The following EFCAB5 variants were observed in gnomAD, a reference collection of about 807,000 sequenced individuals.
The protein encoded by EFCAB5 is EF-hand calcium binding domain 5, also known as EF-hand calcium-binding domain-containing protein 5.
A neutral mutation model predicts 167.9 loss-of-function variants in EFCAB5; 131 were observed. That is an observed-to-expected ratio of 0.78 (90% CI 0.68 to 0.90). EFCAB5 has a LOEUF of 0.90. Ranked by LOEUF, EFCAB5 falls within the 40% of genes least tolerant of loss-of-function variation. EFCAB5 has a pLI of 0.00. For missense variants in EFCAB5, 1,663 were observed against 1,745.2 expected, an observed-to-expected ratio of 0.95 and a Z score of 0.84; for synonymous variants, 574 against 602.8, an observed-to-expected ratio of 0.95 and a Z score of 0.70.
chr17:29,958,754 A>G (rs1453558807), intron 3 of EFCAB5, among the ~76,000 whole-genome samples: 1 of 152,020 alleles, frequency 6.6e-6, no homozygotes, highest in East Asian at 1.9e-4. Context: ...GCTTGTTTGT[A>G]CCCATCCTTC....
chr17:30,079,432 C>G (rs1346576514), intron 15 of EFCAB5, among the ~76,000 whole-genome samples: 5 of 152,152 alleles, frequency 3.3e-5, no homozygotes, highest in Non-Finnish European at 7.3e-5. Context: ...AAGTGTCTCA[C>G]ATGTCCCCAA....
chr17:30,093,014 C>G, intron 22 of EFCAB5, 78 bp downstream of exon 22: 1 of 1,094,828 alleles, frequency 9.1e-7, no homozygotes, highest in Non-Finnish European at 1.3e-6. Flanking sequence ...TAGGATAAAG[C>G]AAGTGGGTCA....
At chr17:30,057,401 G>A (rs2070301193) in intron 12 of EFCAB5, among the ~76,000 whole-genome samples, 1 of 152,144 alleles carries the variant, frequency 6.6e-6, no homozygotes. Context: ...GCCTATAGTA[G>A]GTTACATTGC....
chr17:30,023,834 T>A (rs2069244952), intron 7 of EFCAB5, among the ~76,000 whole-genome samples: 1 of 152,152 alleles, frequency 6.6e-6, no homozygotes, highest in African/African-American at 2.4e-5. Flanking sequence ...TTATCCACCA[T>A]GATCAAGTGA....
intron 3 of EFCAB5, among the ~76,000 whole-genome samples, chr17:29,947,602 C>T (rs1009044433): frequency 2.6e-5 from 4 of 152,096 alleles, no homozygotes; most frequent in Admixed American, 2.6e-4. Flanking sequence ...CTTTCCAACA[C>T]TTATTCTGTC....
chr17:30,035,959 T>C (rs2069602934), intron 8 of EFCAB5, among the ~76,000 whole-genome samples: 1 of 150,740 alleles, frequency 6.6e-6, no homozygotes. Flanking sequence ...AATATATATC[T>C]GGGAACAAAG....
chr17:29,945,871 A>C (rs1369504669), intron 3 of EFCAB5, among the ~76,000 whole-genome samples: 1 of 152,204 alleles, frequency 6.6e-6, no homozygotes, highest in Non-Finnish European at 1.5e-5. Context: ...CTAAGACCTG[A>C]AACCTTAAAA....
chr17:30,029,468 A>C (rs2069420038), intron 7 of EFCAB5, among the ~76,000 whole-genome samples: 1 of 152,206 alleles, frequency 6.6e-6, no homozygotes, highest in South Asian at 2.1e-4. Flanking sequence ...CAAAGTACTG[A>C]ATGCATATCA....
rs752593454 is a variant in EFCAB5, at chr17:30,107,785, A to G, written c.4322-49A>G. 2.2e-6 allele frequency: 3 copies of G among 1,388,544 alleles called. No homozygotes were observed. In the African/African-American group the frequency reaches 4.8e-5, roughly 22 times the overall value. 86.0% of individuals were successfully genotyped at this position (1,388,544 alleles called of 1,614,324 possible). A position where few individuals can be genotyped will look rare whatever the true frequency, so the allele number is the denominator to read the frequency against. On this transcript the variant is annotated intron_variant, in intron 22 of 22. Transcript: ENST00000394835. ...TATTAGAACTTATAATTTTAATAGT[A>G]AAGTGCAAAACTCTCCACTCTTACT...
At chr17:29,943,041 AATATAT>A (rs34181760) in intron 2 of EFCAB5, among the ~76,000 whole-genome samples, 32 of 147,476 alleles carry the variant, frequency 2.2e-4, no homozygotes, top group Admixed American at 4.0e-4. Flanking sequence ...GCATCTCCAA[AATATAT>A]ATATATATAT....
intron 13 of EFCAB5, among the ~76,000 whole-genome samples, chr17:30,058,620 A>G (rs2070340521): frequency 6.6e-6 from 1 of 152,226 alleles, no homozygotes; most frequent in South Asian, 2.1e-4. Flanking sequence ...AATGTCAAAT[A>G]TAGTCAATCT....
chr17:29,999,992 T>C lies in EFCAB5; in HGVS notation c.1044+16T>C, dbSNP rs1455026420. 6.6e-7 allele frequency: 1 copy of C among 1,522,790 alleles called. No homozygotes were observed. The highest frequency in any genetic ancestry group is 8.9e-7 in the Non-Finnish European group (1 of 1,122,504). The allele number at this position is 1,522,790 out of a possible 1,614,324, so 94.3% of individuals were successfully genotyped here. A position where few individuals can be genotyped will look rare whatever the true frequency, so the allele number is the denominator to read the frequency against. On this transcript the variant is annotated intron_variant, in intron 7 of 22. Transcript: ENST00000394835. ...ATTTACAGAAGTAAGAGTTACATTA[T>C]TTAATGTTTGAATTGAATTATTTTG...
At chr17:30,048,261 T>A (rs1251065479) in intron 8 of EFCAB5, among the ~76,000 whole-genome samples, 1 of 152,098 alleles carries the variant, frequency 6.6e-6, no homozygotes, top group Non-Finnish European at 1.5e-5. Flanking sequence ...TTCTCCATTT[T>A]GGGAACTGAG....
intron 14 of EFCAB5, among the ~76,000 whole-genome samples, chr17:30,077,550 T>A (rs1054491487): frequency 3.9e-5 from 6 of 152,070 alleles, no homozygotes; most frequent in Non-Finnish European, 8.8e-5. Flanking sequence ...TTACTGGTAA[T>A]GTTCAGGTTT....
chr17:30,082,534 G>A (rs1186711556), intron 17 of EFCAB5, among the ~76,000 whole-genome samples: 2 of 151,742 alleles, frequency 1.3e-5, no homozygotes. Flanking sequence ...GGGATTACAG[G>A]TGTGCACCAC....
At chr17:30,068,766 G>A (rs2070648975) in intron 14 of EFCAB5, 4 of 1,389,698 alleles carry the variant, frequency 2.9e-6, no homozygotes, top group Non-Finnish European at 3.1e-6. Flanking sequence ...CCTGGCCCAA[G>A]GGCAACTTCT....
At chr17:30,098,916 G>A (rs1212666720) in intron 22 of EFCAB5, among the ~76,000 whole-genome samples, 1 of 152,132 alleles carries the variant, frequency 6.6e-6, no homozygotes, top group East Asian at 1.9e-4. Flanking sequence ...ATAGGTAGCC[G>A]TTTGTATCTG....
chr17:30,047,108 C>A (rs912606068), intron 8 of EFCAB5, among the ~76,000 whole-genome samples: 1 of 152,230 alleles, frequency 6.6e-6, no homozygotes, highest in East Asian at 1.9e-4. Context: ...TTTTTGATAT[C>A]TGGGAATAGT....
intron 14 of EFCAB5, among the ~76,000 whole-genome samples, chr17:30,072,896 A>T (rs910761243): frequency 6.6e-6 from 1 of 152,016 alleles, no homozygotes; most frequent in African/African-American, 2.4e-5. Context: ...TCATTTATTC[A>T]TTTATAGCAG....
Sources: allele counts gnomAD v4.1 joint callset (sites outside exome capture counted in the v4.1 genomes callset), GRCh38; gene constraint gnomAD v4.1.1; transcripts MANE v1.5; gene names NCBI Gene and HGNC (gene_info 2026-07-23, HGNC 2026-07-21).